Variants in MAGEA11 observed in about 807,000 individuals in gnomAD.
MAGEA11 encodes melanoma-associated antigen 11.
A neutral mutation model predicts 8.4 loss-of-function variants in MAGEA11; 1 was observed. The observed-to-expected ratio is 0.12, with a 90% CI of 0.04 to 0.57. The LOEUF (loss-of-function observed/expected upper bound fraction) is 0.57, where lower values mean the gene tolerates loss of function less well. MAGEA11 is among the 20% of genes least tolerant of loss of function. The pLI is 0.91. For missense variants in MAGEA11, 209 were observed against 317.3 expected (o/e 0.66, Z 2.59); for synonymous variants, 127 against 119.3 (o/e 1.06, Z -0.42).
intron 1 of MAGEA11, among the ~76,000 whole-genome samples, chrX:149,693,307 G>A (rs1557360301): frequency 1.8e-5 from 2 of 112,114 alleles, no homozygotes; most frequent in African/African-American, 3.2e-5. Flanking sequence ...AAGTTTGTGT[G>A]TGAGGGAAGT....
chrX:149,709,779 T>A (rs986215338), upstream of MAGEA11, among the ~76,000 whole-genome samples: 2 of 111,744 alleles, frequency 1.8e-5, no homozygotes, highest in East Asian at 5.5e-4. Flanking sequence ...TTTGAAAAAA[T>A]TAGTAATCAT....
upstream of MAGEA11, among the ~76,000 whole-genome samples, chrX:149,710,100 T>C (rs781964570): frequency 9.0e-6 from 1 of 111,584 alleles, no homozygotes; most frequent in South Asian, 3.8e-4. Flanking sequence ...GTGTGAAAAA[T>C]AGCGAACAGA....
chrX:149,700,932 A>C (rs2090350297), intron 1 of MAGEA11, among the ~76,000 whole-genome samples: 1 of 106,345 alleles, frequency 9.4e-6, no homozygotes, highest in South Asian at 4.5e-4. Flanking sequence ...TCCATGGTGT[A>C]TATGTGCCAC....
rs782085015 is a variant in MAGEA11 at position 149,713,100 on chromosome X, C to A, written c.-17-43C>A. 1,011 of 902,851 alleles carry A rather than the reference C, an allele frequency of 1.1e-3. 1 individual carries two copies. Among genetic ancestry groups the A allele is most frequent in the Middle Eastern group, 2.6e-3 (10 of 3,777 alleles). 74.4% of individuals were successfully genotyped at this position (902,851 alleles called of 1,213,427 possible). On this transcript the variant is annotated intron_variant, in intron 1 of 4. Coordinates refer to ENST00000355220, the MANE Select transcript of MAGEA11 (RefSeq NM_005366.5). ...ACCCAGCACCCCAGAACAGCCCCCC[C>A]CCATAGTCCCGCCGTCTCAAACTGA...
chrX:149,712,765 C>T (rs2090408040), intron 1 of MAGEA11, among the ~76,000 whole-genome samples: 1 of 112,343 alleles, frequency 8.9e-6, no homozygotes, highest in Non-Finnish European at 1.9e-5. Context: ...CCGCTTAAGC[C>T]TCAGGGGACT....
chrX:149,709,049 G>A (rs1375378453), upstream of MAGEA11, among the ~76,000 whole-genome samples: 1 of 109,759 alleles, frequency 9.1e-6, no homozygotes, highest in Admixed American at 9.7e-5. Context: ...CACTTTGGAA[G>A]GCCGAGACAG....
intron 1 of MAGEA11, among the ~76,000 whole-genome samples, chrX:149,691,831 G>A (rs1489383090): frequency 6.2e-5 from 7 of 112,901 alleles, no homozygotes; most frequent in African/African-American, 1.9e-4. Context: ...CCTCCAGGCA[G>A]TAAGCTAAGG....
chrX:149,715,479 C>T, intron 3 of MAGEA11, 125 bp from the exon 4 acceptor site: 1 of 481,738 alleles, frequency 2.1e-6, no homozygotes, highest in Non-Finnish European at 3.7e-6. Context: ...CTACAAATGG[C>T]CCCACCTGCC....
chrX:149,701,968 A>T (rs1557361075), intron 1 of MAGEA11, among the ~76,000 whole-genome samples: 1 of 112,035 alleles, frequency 8.9e-6, no homozygotes, highest in African/African-American at 3.2e-5. Context: ...TGGTTACCGT[A>T]GCCTTGTAGT....
chrX:149,717,075 T>C lies in MAGEA11; in HGVS notation c.*299T>C, dbSNP rs188610950. 7.0e-4 allele frequency: 157 copies of C among 224,486 alleles called. No individual in the cohort carries two copies. The highest frequency in any genetic ancestry group is 4.1e-3 in the African/African-American group (145 of 35,238). The allele number at this position is 224,486 out of a possible 1,213,427, so 18.5% of individuals were successfully genotyped here. On this transcript the variant is annotated 3_prime_UTR_variant, in exon 5 of 5. Coordinates refer to ENST00000355220, the MANE Select transcript of MAGEA11 (RefSeq NM_005366.5). ...TAGTTAGCTTCAACATCTAAGTGTATGGATGATACTGACCACACATGTTGT... is the reference window on the plus strand; with the variant it reads ...TAGTTAGCTTCAACATCTAAGTGTACGGATGATACTGACCACACATGTTGT...
intron 1 of MAGEA11, among the ~76,000 whole-genome samples, chrX:149,701,317 T>G (rs1423973078): frequency 1.3e-4 from 14 of 108,141 alleles, no homozygotes; most frequent in African/African-American, 4.4e-4. Flanking sequence ...TGATGGCCAG[T>G]GATGGTGAGC....
Position 149,716,359 on chromosome X carries a change from T to C in MAGEA11, c.873T>C (p.Leu291=). 1.7e-6 allele frequency: 2 copies of C among 1,211,844 alleles called. No individual in the cohort carries two copies. The highest frequency in any genetic ancestry group is 3.5e-5 in the South Asian group (2 of 56,967). Residue 291 remains leucine, a synonymous_variant, in exon 5 of 5, where the codon CTT becomes CTC. Coordinates refer to ENST00000355220, the MANE Select transcript of MAGEA11 (RefSeq NM_005366.5). ...EVDPTSHSYV[L]VTSLNLSYDG... ...ACCCCACTAGCCACTCCTATGTCCT[T>C]GTCACCTCCCTCAACCTCTCTTATG...
chrX:149,708,927 G>A (rs189551707), upstream of MAGEA11, among the ~76,000 whole-genome samples: 503 of 109,214 alleles, frequency 4.6e-3, 6 homozygotes, highest in African/African-American at 0.016. Flanking sequence ...CTTTAATAAA[G>A]TTATTTCATC....
intron 1 of MAGEA11, among the ~76,000 whole-genome samples, chrX:149,701,648 C>A (rs5940681): frequency 0.4 from 43,173 of 108,147 alleles, 7,301 homozygotes; most frequent in East Asian, 0.95. Flanking sequence ...GTCCATGCCT[C>A]TGTCCTGAAT....
intron 1 of MAGEA11, among the ~76,000 whole-genome samples, chrX:149,698,641 T>C (rs1557360760): frequency 8.9e-6 from 1 of 111,843 alleles, no homozygotes; most frequent in Non-Finnish European, 1.9e-5. Context: ...AATATATTTC[T>C]TTGTTCCAGG....
upstream of MAGEA11, chrX:149,688,740 C>T (rs2090298439): frequency 4.1e-6 from 1 of 246,150 alleles, no homozygotes; most frequent in Non-Finnish European, 7.6e-6. Context: ...ATACAATTAG[C>T]CTACATTAAA....
intron 1 of MAGEA11, among the ~76,000 whole-genome samples, chrX:149,690,536 C>T (rs782389668): frequency 9.8e-5 from 11 of 112,346 alleles, no homozygotes; most frequent in Non-Finnish European, 1.9e-4. Flanking sequence ...CAACGGTATA[C>T]TTCCATTTCC....
intron 1 of MAGEA11, among the ~76,000 whole-genome samples, chrX:149,696,863 C>T (rs372662221): frequency 8.9e-6 from 1 of 111,845 alleles, no homozygotes; most frequent in Non-Finnish European, 1.9e-5. Context: ...TCGGGCAGGT[C>T]GAAGCTGACA....
At chrX:149,693,727 C>T (rs949296439) in intron 1 of MAGEA11, among the ~76,000 whole-genome samples, 4 of 112,043 alleles carry the variant, frequency 3.6e-5, no homozygotes, top group Non-Finnish European at 5.6e-5. Context: ...CTTTCCGTTC[C>T]CTCTTCTTCT....
Sources: allele counts gnomAD v4.1 joint callset (sites outside exome capture counted in the v4.1 genomes callset), GRCh38; gene constraint gnomAD v4.1.1; transcripts MANE v1.5; gene names NCBI Gene and HGNC (gene_info 2026-07-23, HGNC 2026-07-21).